Variants in MTMR8 observed in about 807,000 individuals in gnomAD.
The protein encoded by MTMR8 is phosphatidylinositol-3,5-bisphosphate 3-phosphatase MTMR8.
Under a neutral mutation model 39.3 loss-of-function variants are expected in MTMR8, and 65 were observed. That is an observed-to-expected ratio of 1.65 (90% confidence interval 1.35 to 2.03). The LOEUF is 2.03. MTMR8 is among the 30% of genes most tolerant of loss of function. MTMR8 has a pLI of 0.00. For synonymous variants in MTMR8, 245 were observed against 185.2 expected (o/e 1.32, Z -2.62); for missense variants, 777 against 538.9 (o/e 1.44, Z -4.37).
chrX:64,288,886 G>A (rs1921300218), intron 12 of MTMR8, among the ~76,000 whole-genome samples: 1 of 110,020 alleles, frequency 9.1e-6, no homozygotes, highest in Non-Finnish European at 1.9e-5. Flanking sequence ...GGGCAGGTGG[G>A]AGGGATAGCA....
intron 6 of MTMR8, among the ~76,000 whole-genome samples, chrX:64,348,103 A>G (rs1923389426): frequency 1.8e-5 from 2 of 111,845 alleles, no homozygotes; most frequent in South Asian, 7.4e-4. Context: ...TAAACCGGCA[A>G]AAATTTAATC....
intron 12 of MTMR8, among the ~76,000 whole-genome samples, chrX:64,287,286 T>A (rs1921218537): frequency 9.0e-6 from 1 of 111,050 alleles, no homozygotes; most frequent in Non-Finnish European, 1.9e-5. Flanking sequence ...CAAGGAGAAC[T>A]ACAAACCACT....
At chrX:64,365,022 A>G (rs1038598944) in intron 1 of MTMR8, among the ~76,000 whole-genome samples, 1 of 111,489 alleles carries the variant, frequency 9.0e-6, no homozygotes, top group Non-Finnish European at 1.9e-5. Context: ...GTGACTGAAA[A>G]CCAAATTGAT....
intron 1 of MTMR8, among the ~76,000 whole-genome samples, chrX:64,387,974 A>G (rs959812780): frequency 1.5e-4 from 17 of 111,031 alleles, no homozygotes; most frequent in South Asian, 3.9e-4. Flanking sequence ...TCCACTCCTG[A>G]GCTGTAGATA....
intron 1 of MTMR8, among the ~76,000 whole-genome samples, chrX:64,378,568 C>T (rs1371011309): frequency 8.9e-6 from 1 of 111,911 alleles, no homozygotes; most frequent in Non-Finnish European, 1.9e-5. Flanking sequence ...ATGGATCAAA[C>T]AAGTTGCAAG....
intron 12 of MTMR8, among the ~76,000 whole-genome samples, chrX:64,319,627 G>A (rs1922573423): frequency 8.9e-6 from 1 of 111,783 alleles, no homozygotes; most frequent in African/African-American, 3.3e-5. Flanking sequence ...CATATGGCTA[G>A]CCAGTTTTCC....
chrX:64,301,794 C>T (rs1921887430), intron 12 of MTMR8, among the ~76,000 whole-genome samples: 1 of 111,747 alleles, frequency 8.9e-6, no homozygotes, highest in Non-Finnish European at 1.9e-5. Flanking sequence ...TTCCTTCTAA[C>T]AGACAGGACC....
intron 12 of MTMR8, among the ~76,000 whole-genome samples, chrX:64,277,179 A>G (rs979480049): frequency 8.9e-6 from 1 of 111,736 alleles, no homozygotes; most frequent in African/African-American, 3.3e-5. Context: ...CAGCACACCA[A>G]TGGGTCTTGA....
intron 3 of MTMR8, among the ~76,000 whole-genome samples, chrX:64,355,515 T>A (rs757243276): frequency 3.1e-4 from 35 of 111,763 alleles, no homozygotes; most frequent in African/African-American, 1.1e-3. Flanking sequence ...CAGAGACTTG[T>A]AAAATGCTAG....
At chrX:64,320,841 G>A (rs1423353211) in intron 12 of MTMR8, among the ~76,000 whole-genome samples, 2 of 111,247 alleles carry the variant, frequency 1.8e-5, no homozygotes, top group Non-Finnish European at 3.8e-5. Flanking sequence ...AATATAAGTG[G>A]CCCAGCTAAG....
chrX:64,302,215 G>A (rs1391814018), intron 12 of MTMR8, among the ~76,000 whole-genome samples: 2 of 112,571 alleles, frequency 1.8e-5, no homozygotes, highest in African/African-American at 3.2e-5. Flanking sequence ...AGCAATCAGC[G>A]AGATTCCGCG....
chrX:64,388,338 T>TA (rs1924613679), intron 1 of MTMR8, among the ~76,000 whole-genome samples: 1 of 111,994 alleles, frequency 8.9e-6, no homozygotes, highest in Non-Finnish European at 1.9e-5. Context: ...CTGTATGTAT[T>TA]AAAAACGGCA....
intron 1 of MTMR8, among the ~76,000 whole-genome samples, chrX:64,362,630 G>C (rs982437217): frequency 2.7e-5 from 3 of 109,550 alleles, no homozygotes; most frequent in Admixed American, 9.8e-5. Context: ...AGATGTGTTG[G>C]GGAAACAGTA....
chrX:64,334,666 AC>A (rs1409698910), intron 10 of MTMR8, among the ~76,000 whole-genome samples: 3 of 105,179 alleles, frequency 2.9e-5, no homozygotes, highest in Non-Finnish European at 5.8e-5. Flanking sequence ...CTCCCTACAC[AC>A]CCTTTGACCC....
At chrX:64,347,765 A>T (rs935769411) in intron 6 of MTMR8, among the ~76,000 whole-genome samples, 1 of 112,571 alleles carries the variant, frequency 8.9e-6, no homozygotes, top group African/African-American at 3.2e-5. Context: ...AAGAATATGG[A>T]ATCTATCCTT....
At chrX:64,275,538 A>C (rs1020091606) in intron 12 of MTMR8, among the ~76,000 whole-genome samples, 1 of 108,393 alleles carries the variant, frequency 9.2e-6, no homozygotes, top group Non-Finnish European at 1.9e-5. Context: ...CGCTAAAAAA[A>C]CATTTAGAAA....
At chrX:64,389,077 C>G (rs1382756715) in intron 1 of MTMR8, among the ~76,000 whole-genome samples, 1 of 111,609 alleles carries the variant, frequency 9.0e-6, no homozygotes, top group Non-Finnish European at 1.9e-5. Flanking sequence ...TGGATGCTTT[C>G]TTTATATTTA....
chrX:64,330,142 G>GT (rs1922904915), intron 11 of MTMR8, among the ~76,000 whole-genome samples: 1 of 111,703 alleles, frequency 9.0e-6, no homozygotes, highest in Non-Finnish European at 1.9e-5. Flanking sequence ...CAACTGTTAT[G>GT]TTTTTTAAAT....
At chrX:64,350,987 G>A (rs1220494121) in intron 4 of MTMR8, among the ~76,000 whole-genome samples, 1 of 111,598 alleles carries the variant, frequency 9.0e-6, no homozygotes, top group African/African-American at 3.3e-5. Context: ...ATAAGATTAA[G>A]AATGCTCTAT....
Sources: allele counts gnomAD v4.1 joint callset (sites outside exome capture counted in the v4.1 genomes callset), GRCh38; gene constraint gnomAD v4.1.1; transcripts MANE v1.5; gene names NCBI Gene and HGNC (gene_info 2026-07-23, HGNC 2026-07-21).